The following HTR2C variants were observed in gnomAD, a reference collection of about 807,000 sequenced individuals.
The protein encoded by HTR2C is 5-hydroxytryptamine (serotonin) receptor 2C, G protein-coupled.
In HTR2C, 5 loss-of-function variants were observed where a neutral mutation model predicts 21.0. The observed-to-expected ratio is 0.24, with a 90% confidence interval of 0.12 to 0.50. The LOEUF (loss-of-function observed/expected upper bound fraction) is 0.50. Among genes scored for constraint, HTR2C ranks in the 20% least tolerant of loss-of-function variants. The probability of loss-of-function intolerance (pLI) is 0.98; values close to 1 mark genes in which losing one functional copy is unlikely to be tolerated. For missense variants in HTR2C, 271 were observed against 371.2 expected, an observed-to-expected ratio of 0.73 and a Z score of 2.22; for synonymous variants, 150 against 145.3, an observed-to-expected ratio of 1.03 and a Z score of -0.23.
chrX:114,720,623 G>A (rs1933160126), intron 2 of HTR2C, among the ~76,000 whole-genome samples: 2 of 90,143 alleles, frequency 2.2e-5, no homozygotes, highest in Admixed American at 1.3e-4. Context: ...CCACTAACTC[G>A]TCATCGAGCA....
chrX:114,593,361 G>T (rs900725773), intron 1 of HTR2C, among the ~76,000 whole-genome samples: 4 of 111,480 alleles, frequency 3.6e-5, no homozygotes, highest in African/African-American at 1.3e-4. Flanking sequence ...CTCCTGATTA[G>T]CTGGGACCAC....
intron 1 of HTR2C, among the ~76,000 whole-genome samples, chrX:114,612,940 A>AT (rs1457352303): frequency 6.5e-5 from 7 of 107,774 alleles, no homozygotes; most frequent in African/African-American, 2.4e-4. Context: ...ATTTTATTTT[A>AT]TTTTATTTTT....
chrX:114,869,140 C>T (rs987341412), intron 5 of HTR2C, among the ~76,000 whole-genome samples: 2 of 111,354 alleles, frequency 1.8e-5, no homozygotes, highest in Non-Finnish European at 3.8e-5. Flanking sequence ...TGGTTTCCAG[C>T]TTCATTCATG....
intron 5 of HTR2C, among the ~76,000 whole-genome samples, chrX:114,875,548 A>G (rs1392851782): frequency 1.8e-5 from 2 of 111,144 alleles, no homozygotes; most frequent in Non-Finnish European, 3.8e-5. Context: ...CAGTTTTTAC[A>G]TTTAAGTCTT....
At chrX:114,682,129 A>T (rs1827902806) in intron 2 of HTR2C, among the ~76,000 whole-genome samples, 1 of 111,464 alleles carries the variant, frequency 9.0e-6, no homozygotes, top group South Asian at 3.7e-4. Context: ...ATTACCTTGC[A>T]TTCAGAGAAA....
At chrX:114,671,736 A>G (rs915903566) in intron 2 of HTR2C, among the ~76,000 whole-genome samples, 3 of 112,211 alleles carry the variant, frequency 2.7e-5, no homozygotes, top group Non-Finnish European at 5.6e-5. Context: ...AATCATTCAC[A>G]TTATTGATGT....
At chrX:114,777,769 G>C (rs2070073895) in intron 4 of HTR2C, among the ~76,000 whole-genome samples, 1 of 111,252 alleles carries the variant, frequency 9.0e-6, no homozygotes, top group Non-Finnish European at 1.9e-5. Context: ...TGTTGGCCAG[G>C]CTGGTGTCAA....
At chrX:114,803,223 T>C (rs1280738903) in intron 4 of HTR2C, among the ~76,000 whole-genome samples, 4 of 81,976 alleles carry the variant, frequency 4.9e-5, no homozygotes, top group African/African-American at 1.7e-4. Flanking sequence ...GCAGCATGAT[T>C]TATAGTCCTT....
At chrX:114,690,265 T>C (rs1474948025) in intron 2 of HTR2C, among the ~76,000 whole-genome samples, 2 of 111,564 alleles carry the variant, frequency 1.8e-5, no homozygotes, top group African/African-American at 3.3e-5. Context: ...AGCCATTTCC[T>C]CCTCTCCAAG....
intron 4 of HTR2C, among the ~76,000 whole-genome samples, chrX:114,800,544 T>C (rs2070335588): frequency 9.0e-6 from 1 of 111,212 alleles, no homozygotes; most frequent in African/African-American, 3.3e-5. Context: ...ATGTAAGCAT[T>C]AGCATTTAAT....
At chrX:114,638,115 C>T (rs782274501) in intron 2 of HTR2C, among the ~76,000 whole-genome samples, 2 of 111,503 alleles carry the variant, frequency 1.8e-5, no homozygotes, top group East Asian at 2.8e-4. Flanking sequence ...CAGAATGCTT[C>T]GCTGATTTTT....
chrX:114,615,421 G>T, intron 2 of HTR2C, among the ~76,000 whole-genome samples: 2 of 111,736 alleles, frequency 1.8e-5, no homozygotes, highest in African/African-American at 6.5e-5. Flanking sequence ...GTAAAATTTT[G>T]AAGAACCCCC....
intron 4 of HTR2C, among the ~76,000 whole-genome samples, chrX:114,748,978 T>C (rs951527489): frequency 9.8e-5 from 11 of 111,770 alleles, no homozygotes; most frequent in Non-Finnish European, 1.5e-4. Flanking sequence ...AGCAGTAACA[T>C]ATTCAGTAAA....
intron 2 of HTR2C, among the ~76,000 whole-genome samples, chrX:114,665,822 A>G (rs1266699382): frequency 1.8e-5 from 2 of 110,964 alleles, no homozygotes; most frequent in African/African-American, 6.6e-5. Flanking sequence ...AAGGGGAGGC[A>G]GGAACACTTG....
chrX:114,725,329 T>A (rs1556421646), intron 2 of HTR2C, among the ~76,000 whole-genome samples: 1 of 112,013 alleles, frequency 8.9e-6, no homozygotes. Flanking sequence ...GCTTCTGCAT[T>A]CTTCACGTAG....
intron 5 of HTR2C, among the ~76,000 whole-genome samples, chrX:114,892,818 C>G (rs1479184568): frequency 1.8e-5 from 2 of 109,736 alleles, no homozygotes; most frequent in African/African-American, 6.6e-5. Flanking sequence ...ATTAATATAT[C>G]TAAATTAATC....
At chrX:114,735,956 CA>C (rs782295507) in intron 4 of HTR2C, among the ~76,000 whole-genome samples, 1 of 109,300 alleles carries the variant, frequency 9.1e-6, no homozygotes, top group Non-Finnish European at 1.9e-5. Flanking sequence ...ACTAAAAATA[CA>C]AAAAAAATAG....
intron 4 of HTR2C, among the ~76,000 whole-genome samples, chrX:114,844,956 C>A (rs1556466854): frequency 9.0e-6 from 1 of 111,431 alleles, no homozygotes; most frequent in Non-Finnish European, 1.9e-5. Flanking sequence ...ATGGACAGAA[C>A]AACAAGACAG....
rs1020960883 is a variant in HTR2C, at chrX:114,686,246, C to T, written c.-79-40612C>T. Among the ~76,000 whole-genome samples the T allele has an allele frequency of 4.5e-5, 5 of 111,559 alleles. No individual in the cohort carries two copies. The Admixed American group carries it at 4.8e-4, about 11-fold the overall frequency. ...AGCTACCCCACTTCATGGCATGTTC[C>T]AGAAATAATTCCCCACTGGGTCAAC... On this transcript the variant is annotated intron_variant, in intron 2 of 5. Coordinates refer to ENST00000276198, the MANE Select transcript of HTR2C (RefSeq NM_000868.4).
Sources: gnomAD v4.1 joint callset for allele counts (sites outside exome capture counted in the v4.1 genomes callset) on GRCh38, gnomAD v4.1.1 for gene constraint, MANE v1.5 for transcripts, NCBI Gene and HGNC (gene_info 2026-07-23, HGNC 2026-07-21) for gene names.